The following EIF4EBP2 variants were observed in gnomAD, a reference collection of about 807,000 sequenced individuals.
EIF4EBP2 encodes eukaryotic translation initiation factor 4E-binding protein 2.
In EIF4EBP2, 5 loss-of-function variants were observed where a neutral mutation model predicts 10.3. That is an observed-to-expected ratio of 0.48 (90% CI 0.25 to 1.02). The LOEUF (loss-of-function observed/expected upper bound fraction) is 1.02, where lower values mean the gene tolerates loss of function less well. Among genes scored for constraint, EIF4EBP2 ranks in the 50% least tolerant of loss-of-function variants. The pLI, the probability that EIF4EBP2 is intolerant of heterozygous loss-of-function variation, is 0.15. For missense variants in EIF4EBP2, 188 were observed against 162.2 expected (o/e 1.16, Z -0.86); for synonymous variants, 67 against 61.1 (o/e 1.10, Z -0.45).
chr10:70,420,831 G>A (rs1355912741), intron 2 of EIF4EBP2, among the ~76,000 whole-genome samples: 1 of 152,108 alleles, frequency 6.6e-6, no homozygotes, highest in African/African-American at 2.4e-5. Context: ...GTCTTGCTCT[G>A]TTGCCCAGGC....
chr10:70,408,414 G>A (rs1229757263), intron 1 of EIF4EBP2, among the ~76,000 whole-genome samples: 1 of 152,234 alleles, frequency 6.6e-6, no homozygotes, highest in Non-Finnish European at 1.5e-5. Context: ...GCGCCTGGCT[G>A]TAATCAGTGG....
At chr10:70,407,477 A>G (rs962604221) in intron 1 of EIF4EBP2, among the ~76,000 whole-genome samples, 2 of 152,102 alleles carry the variant, frequency 1.3e-5, no homozygotes, top group African/African-American at 4.8e-5. Flanking sequence ...AATTTTTCTT[A>G]GTACAGAACA....
intron 1 of EIF4EBP2, among the ~76,000 whole-genome samples, chr10:70,407,892 G>C (rs1199921457): frequency 4.3e-5 from 6 of 140,420 alleles, no homozygotes; most frequent in African/African-American, 1.6e-4. Context: ...GGGGCGGCTG[G>C]CCGGGCAGAG....
Position 70,420,104 on chromosome 10 carries a change from G to C in EIF4EBP2, c.331+5G>C. Reference sequence around the variant, plus strand: ...ACGACAGGAAACATGCAGTTGGTAAGAGAATGGCGATGTTGGAGACCTAGA... The same window carrying C: ...ACGACAGGAAACATGCAGTTGGTAACAGAATGGCGATGTTGGAGACCTAGA... On this transcript the variant is annotated splice_donor_5th_base_variant and intron_variant, in intron 2 of 2. Coordinates refer to ENST00000373218, the MANE Select transcript of EIF4EBP2 (RefSeq NM_004096.5). 6.3e-7 allele frequency: 1 copy of C among 1,596,358 alleles called. No individual in the cohort carries two copies. Among genetic ancestry groups the C allele is most frequent in the Non-Finnish European group, 8.5e-7 (1 of 1,171,910 alleles).
chr10:70,420,996 C>T (rs1845151353), intron 2 of EIF4EBP2, among the ~76,000 whole-genome samples: 1 of 152,022 alleles, frequency 6.6e-6, no homozygotes, highest in African/African-American at 2.4e-5. Context: ...GGGGTTTCAC[C>T]ATGTTAGCCA....
chr10:70,410,216 C>CCCA (rs1165714779), intron 1 of EIF4EBP2, among the ~76,000 whole-genome samples: 1 of 152,008 alleles, frequency 6.6e-6, no homozygotes, highest in Admixed American at 6.6e-5. Context: ...ATTACGGGCG[C>CCCA]CCACCACCAC....
chr10:70,404,793 G>A (rs1260724588), intron 1 of EIF4EBP2, among the ~76,000 whole-genome samples: 1 of 152,222 alleles, frequency 6.6e-6, no homozygotes, highest in Non-Finnish European at 1.5e-5. Flanking sequence ...TCTTGTTTCC[G>A]CTTCGTGGCA....
intron 1 of EIF4EBP2, among the ~76,000 whole-genome samples, chr10:70,414,928 GGGCAGAT>G (rs1296835004): frequency 3.3e-5 from 5 of 150,714 alleles, no homozygotes; most frequent in African/African-American, 1.2e-4. Context: ...AGGCTGAGGT[GGGCAGAT>G]GGCTTGAGCC....
intron 1 of EIF4EBP2, among the ~76,000 whole-genome samples, chr10:70,408,194 G>C (rs1432340990): frequency 3.0e-4 from 43 of 141,008 alleles, no homozygotes; most frequent in African/African-American, 1.1e-3. Context: ...GGGGCGGCTG[G>C]CCGGGCGGGG....
At chr10:70,416,318 C>A (rs994012876) in intron 1 of EIF4EBP2, among the ~76,000 whole-genome samples, 1 of 152,152 alleles carries the variant, frequency 6.6e-6, no homozygotes, top group East Asian at 1.9e-4. Context: ...CGGTGGCTCA[C>A]GCCTGTAATC....
intron 1 of EIF4EBP2, among the ~76,000 whole-genome samples, chr10:70,406,037 A>G (rs1030439002): frequency 6.6e-6 from 1 of 152,200 alleles, no homozygotes; most frequent in Non-Finnish European, 1.5e-5. Flanking sequence ...GCTGGAGTAC[A>G]GTGGCACGAC....
intron 1 of EIF4EBP2, among the ~76,000 whole-genome samples, chr10:70,410,620 A>G (rs1845034392): frequency 6.6e-6 from 1 of 152,278 alleles, no homozygotes; most frequent in Admixed American, 6.5e-5. Context: ...TCAATAAAAC[A>G]TAGACCTTGT....
At chr10:70,409,816 G>A (rs145489024) in intron 1 of EIF4EBP2, among the ~76,000 whole-genome samples, 41 of 152,302 alleles carry the variant, frequency 2.7e-4, no homozygotes, top group African/African-American at 8.4e-4. Context: ...CATCAGCCAT[G>A]GAAAAGTATG....
At chr10:70,404,591 G>T in intron 1 of EIF4EBP2, 45 bp downstream of exon 1, 3 of 1,507,338 alleles carry the variant, frequency 2.0e-6, no homozygotes, top group Non-Finnish European at 2.7e-6. Flanking sequence ...TCCCGCCGCG[G>T]TCCTCTAACT....
rs753926201 is a variant in EIF4EBP2, at chr10:70,404,549, G to C, written c.145+3G>C. The C allele has an allele frequency of 6.4e-7, 1 of 1,562,542 alleles. No homozygotes were observed. The highest frequency in any genetic ancestry group is 8.6e-7 in the Non-Finnish European group (1 of 1,158,894). On this transcript the variant is annotated splice_donor_region_variant and intron_variant, in intron 1 of 2. Transcript: ENST00000373218. ...GCTCTTCTCCACCACACCGGGAGGT[G>C]AGCGCCGGCCAGCCGTCCGCCGCGC...
intron 1 of EIF4EBP2, among the ~76,000 whole-genome samples, chr10:70,416,013 G>A (rs1845090668): frequency 1.3e-5 from 2 of 152,030 alleles, no homozygotes; most frequent in South Asian, 4.1e-4. Context: ...CCAGAATAAA[G>A]AACTATCATA....
chr10:70,408,878 G>T (rs1469103905), intron 1 of EIF4EBP2, among the ~76,000 whole-genome samples: 1 of 152,204 alleles, frequency 6.6e-6, no homozygotes, highest in Non-Finnish European at 1.5e-5. Flanking sequence ...TTAGAAAAAT[G>T]AGTGATAGGC....
chr10:70,410,914 T>C (rs369815975), intron 1 of EIF4EBP2, among the ~76,000 whole-genome samples: 55 of 152,358 alleles, frequency 3.6e-4, no homozygotes, highest in African/African-American at 1.3e-3. Flanking sequence ...TTTAATTCAA[T>C]GTCTAGGCTT....
rs1554848001 is a variant in EIF4EBP2 at position 70,407,736 on chromosome 10, C to CCG, written c.145+3191_145+3192insGC. ...CCTCCCGGGCGGGGGGCTGACCCCC[C>CCG]CCCCACCTCCCTCCCAGACGGGGCG... On this transcript the variant is annotated intron_variant, in intron 1 of 2. Coordinates refer to ENST00000373218, the MANE Select transcript of EIF4EBP2 (RefSeq NM_004096.5). Among the ~76,000 whole-genome samples the CCG allele has an allele frequency of 5.7e-5, 8 of 141,182 alleles. 1 individual carries two copies. Among genetic ancestry groups the CCG allele is most frequent in the African/African-American group, 2.1e-4 (8 of 37,414 alleles). 92.6% of individuals were successfully genotyped at this position (141,182 alleles called of 152,430 possible). A position where few individuals can be genotyped will look rare whatever the true frequency, so the allele number is the denominator to read the frequency against.
Sources: gnomAD v4.1 joint callset for allele counts (sites outside exome capture counted in the v4.1 genomes callset) on GRCh38, gnomAD v4.1.1 for gene constraint, MANE v1.5 for transcripts, NCBI Gene and HGNC (gene_info 2026-07-23, HGNC 2026-07-21) for gene names.